Variants in MOXD1 observed in about 807,000 individuals in gnomAD.
The protein encoded by MOXD1 is DBH-like monooxygenase protein 1.
MOXD1 carries 62 observed loss-of-function variants against 66.6 expected under a neutral mutation model. That is an observed-to-expected ratio of 0.93 (90% CI 0.76 to 1.15). The LOEUF (loss-of-function observed/expected upper bound fraction) is 1.15. MOXD1 is among the 50% of genes most tolerant of loss of function. MOXD1 has a pLI of 0.00. For missense variants in MOXD1, 847 were observed against 754.6 expected (o/e 1.12, Z -1.44); for synonymous variants, 303 against 281.9 (o/e 1.07, Z -0.75).
chr6:132,364,010 T>C (rs1191321893), intron 4 of MOXD1, among the ~76,000 whole-genome samples: 1 of 152,076 alleles, frequency 6.6e-6, no homozygotes, highest in Non-Finnish European at 1.5e-5. Flanking sequence ...GAAAAAGATA[T>C]ACAAGGTTGG....
In MOXD1 at chr6:132,331,433, G is replaced by T. The variant is rs571506521; in HGVS notation, c.664-2839C>A. Among the ~76,000 whole-genome samples the T allele has an allele frequency of 2.6e-5, 4 of 152,236 alleles. No individual in the cohort carries two copies. The East Asian group carries it at 7.7e-4, about 29-fold the overall frequency. On this transcript the variant is annotated intron_variant, in intron 4 of 11. Coordinates refer to ENST00000367963, the MANE Select transcript of MOXD1 (RefSeq NM_015529.4). The stretch of plus-strand genomic sequence containing the variant: ...AGGGAGTGAAGGGTGTGTGATGCTG[G>T]GTGGTGCTTGACTTTGGGGAGCTTC...
rs1328199369 is a variant in MOXD1, at chr6:132,303,856, TATATATATATATATATATATATAC to T, written c.1509-5925_1509-5902del. 5.0e-4 allele frequency among the ~76,000 whole-genome samples: 36 copies of T among 72,164 alleles called. No individual in the cohort carries two copies. The African/African-American group carries it at 5.2e-3, about 10-fold the overall frequency. The allele number at this position is 72,164 out of a possible 152,430, so 47.3% of individuals were successfully genotyped here. A position where few individuals can be genotyped will look rare whatever the true frequency, so the allele number is the denominator to read the frequency against. On this transcript the variant is annotated intron_variant, in intron 10 of 11. Coordinates refer to ENST00000367963, the MANE Select transcript of MOXD1 (RefSeq NM_015529.4). ...GTGTGTATATATATATATATATATA[TATATATATATATATATATATATAC>T]ATATATACATAAAACCTTAGGACAA...
At chr6:132,375,223 A>G (rs903015737) in intron 1 of MOXD1, among the ~76,000 whole-genome samples, 1 of 152,230 alleles carries the variant, frequency 6.6e-6, no homozygotes, top group Non-Finnish European at 1.5e-5. Context: ...TTCACCATTC[A>G]TAAAAGCAAA....
chr6:132,304,845 T>C (rs1003173516), intron 10 of MOXD1, among the ~76,000 whole-genome samples: 2 of 151,984 alleles, frequency 1.3e-5, no homozygotes, highest in Admixed American at 6.6e-5. Context: ...ATACTGAAAA[T>C]ACAAAATACT....
chr6:132,374,137 G>T (rs925288533), intron 2 of MOXD1, among the ~76,000 whole-genome samples: 1 of 152,104 alleles, frequency 6.6e-6, no homozygotes, highest in Admixed American at 6.5e-5. Context: ...ATTAATTTTT[G>T]CATGAAGTCT....
Position 132,401,220 on chromosome 6 carries a change from G to A in MOXD1, c.207C>T (p.Ala69=). The change falls in exon 1 of 12, where the codon GCC becomes GCT. Residue 69 remains alanine (A), a synonymous_variant. Coordinates refer to ENST00000367963, the MANE Select transcript of MOXD1 (RefSeq NM_015529.4). Reference sequence around the variant, plus strand: ...CCACGACGATGTCGGCGGACGCCATGGCCCCGGTGGGCGAGAAGCCGAAGC... The same window carrying A: ...CCACGACGATGTCGGCGGACGCCATAGCCCCGGTGGGCGAGAAGCCGAAGC... The part of the protein sequence containing the change: ...YVGFGFSPTG[A]MASADIVVGG... 2 of 1,572,844 alleles carry A rather than the reference G, an allele frequency of 1.3e-6. No individual in the cohort carries two copies. Among genetic ancestry groups the A allele is most frequent in the Non-Finnish European group, 1.7e-6 (2 of 1,167,694 alleles).
intron 1 of MOXD1, among the ~76,000 whole-genome samples, chr6:132,397,636 C>CAA (rs1776918096): frequency 8.2e-6 from 1 of 122,312 alleles, no homozygotes; most frequent in Non-Finnish European, 1.7e-5. Flanking sequence ...GAGAGAGAGA[C>CAA]AGAAAGAAAG....
intron 4 of MOXD1, among the ~76,000 whole-genome samples, chr6:132,365,125 A>ACT (rs1364171048): frequency 7.2e-6 from 1 of 139,676 alleles, no homozygotes; most frequent in African/African-American, 2.9e-5. Context: ...TAAAAAAGTG[A>ACT]GTGTTGTATA....
intron 4 of MOXD1, among the ~76,000 whole-genome samples, chr6:132,367,953 A>G (rs913687409): frequency 2.0e-5 from 3 of 152,202 alleles, no homozygotes; most frequent in Admixed American, 6.5e-5. Context: ...AGAGAGGACT[A>G]AGGGATGATG....
At chr6:132,303,716 C>A (rs548236073) in intron 10 of MOXD1, among the ~76,000 whole-genome samples, 1 of 143,444 alleles carries the variant, frequency 7.0e-6, no homozygotes, top group East Asian at 2.1e-4. Context: ...CATACACACA[C>A]ACACACACAC....
chr6:132,301,229 T>C (rs1421605894), intron 10 of MOXD1, among the ~76,000 whole-genome samples: 2 of 150,358 alleles, frequency 1.3e-5, no homozygotes, highest in African/African-American at 4.8e-5. Flanking sequence ...TATATTACTG[T>C]AGTCAATAAA....
At chr6:132,306,067 G>T (rs1449857471) in intron 10 of MOXD1, among the ~76,000 whole-genome samples, 4 of 152,000 alleles carry the variant, frequency 2.6e-5, no homozygotes, top group African/African-American at 7.2e-5. Flanking sequence ...AAACTATGCT[G>T]GGCTAAAGAA....
intron 10 of MOXD1, among the ~76,000 whole-genome samples, chr6:132,301,207 T>C (rs959984809): frequency 8.0e-6 from 1 of 124,718 alleles, no homozygotes; most frequent in Non-Finnish European, 1.5e-5. Flanking sequence ...ATTATATATA[T>C]ATATATATAT....
At chr6:132,333,373 T>C (rs939353688) in intron 4 of MOXD1, among the ~76,000 whole-genome samples, 4 of 120,418 alleles carry the variant, frequency 3.3e-5, no homozygotes, top group Non-Finnish European at 6.1e-5. Flanking sequence ...CCCTGTAATG[T>C]ATCAGAGTAG....
At chr6:132,339,513 T>C (rs1403952728) in intron 4 of MOXD1, among the ~76,000 whole-genome samples, 1 of 152,250 alleles carries the variant, frequency 6.6e-6, no homozygotes, top group African/African-American at 2.4e-5. Context: ...AAGCTAAAGC[T>C]ATATAATAAT....
chr6:132,324,149 A>G (rs1278628578), intron 6 of MOXD1, 52 bp from the exon 7 acceptor site: 1 of 1,539,004 alleles, frequency 6.5e-7, no homozygotes, highest in Admixed American at 2.0e-5. Flanking sequence ...AAATGTTTTC[A>G]TTCCCAAGAA....
intron 10 of MOXD1, among the ~76,000 whole-genome samples, chr6:132,311,254 T>TA: frequency 6.6e-6 from 1 of 152,134 alleles, no homozygotes; most frequent in Non-Finnish European, 1.5e-5. Flanking sequence ...AACTTGAAGA[T>TA]AAAATCCTAA....
intron 6 of MOXD1, among the ~76,000 whole-genome samples, chr6:132,326,629 C>A (rs9483435): frequency 1.3e-5 from 2 of 151,920 alleles, no homozygotes; most frequent in Non-Finnish European, 2.9e-5. Flanking sequence ...TATGATTTCA[C>A]GGAAAATCTA....
chr6:132,329,161 G>A (rs1775258043), intron 4 of MOXD1, among the ~76,000 whole-genome samples: 1 of 152,070 alleles, frequency 6.6e-6, no homozygotes, highest in African/African-American at 2.4e-5. Flanking sequence ...TCTCCACCCT[G>A]TGTCCAAGTG....
Sources: allele counts gnomAD v4.1 joint callset (sites outside exome capture counted in the v4.1 genomes callset), GRCh38; gene constraint gnomAD v4.1.1; transcripts MANE v1.5; gene names NCBI Gene and HGNC (gene_info 2026-07-23, HGNC 2026-07-21).